Variants in LRP8 observed in about 807,000 individuals in gnomAD.
LRP8 encodes the protein LDL receptor related protein 8, also known as low-density lipoprotein receptor-related protein 8.
A neutral mutation model predicts 111.6 loss-of-function variants in LRP8; 46 were observed. The observed-to-expected ratio is 0.41, with a 90% confidence interval of 0.33 to 0.53. LRP8 has a LOEUF of 0.53. Ranked by LOEUF, LRP8 falls within the 20% of genes least tolerant of loss-of-function variation. The pLI is 0.20. For missense variants in LRP8, 959 were observed against 1,297.4 expected, an observed-to-expected ratio of 0.74 and a Z score of 4.01; for synonymous variants, 464 against 511.2, an observed-to-expected ratio of 0.91 and a Z score of 1.24.
intron 2 of LRP8, among the ~76,000 whole-genome samples, chr1:53,306,875 G>A (rs998897198): frequency 1.3e-5 from 2 of 152,174 alleles, no homozygotes; most frequent in African/African-American, 4.8e-5. Context: ...TCATCTCCTG[G>A]TTTACGAAGC....
chr1:53,318,425 C>A (rs1214961740), intron 2 of LRP8, among the ~76,000 whole-genome samples: 2 of 151,908 alleles, frequency 1.3e-5, no homozygotes, highest in African/African-American at 2.4e-5. Context: ...AAAGGAGAGC[C>A]ATGGGGCCAT....
At chr1:53,248,157 C>T (rs1645784748) in intron 18 of LRP8, among the ~76,000 whole-genome samples, 1 of 152,190 alleles carries the variant, frequency 6.6e-6, no homozygotes, top group Non-Finnish European at 1.5e-5. Context: ...ACGTAACCAA[C>T]ATAAAATAGA....
intron 9 of LRP8, among the ~76,000 whole-genome samples, chr1:53,265,029 G>A (rs1276139916): frequency 1.3e-5 from 2 of 152,144 alleles, no homozygotes; most frequent in African/African-American, 2.4e-5. Context: ...TCTATGGAGT[G>A]GATGGGTTGG....
intron 2 of LRP8, 145 bp downstream of exon 2, chr1:53,326,728 C>T (rs1363728118): frequency 3.0e-6 from 4 of 1,352,654 alleles, no homozygotes; most frequent in African/African-American, 3.0e-5. Context: ...GAGGCGGTGC[C>T]CAGGCGGTTT....
At chr1:53,261,076 C>A (rs1646318469) in intron 12 of LRP8, among the ~76,000 whole-genome samples, 1 of 152,200 alleles carries the variant, frequency 6.6e-6, no homozygotes, top group African/African-American at 2.4e-5. Context: ...CGTACAGGTA[C>A]AACTGTGCAT....
intron 2 of LRP8, among the ~76,000 whole-genome samples, chr1:53,292,309 G>C (rs1648928987): frequency 6.6e-6 from 1 of 152,208 alleles, no homozygotes; most frequent in Admixed American, 6.5e-5. Context: ...GAAACCTGAG[G>C]AATCAGAGTC....
chr1:53,284,816 C>T (rs1367383857), intron 3 of LRP8, among the ~76,000 whole-genome samples: 2 of 152,176 alleles, frequency 1.3e-5, no homozygotes, highest in Non-Finnish European at 2.9e-5. Context: ...TCTTGGAATG[C>T]CAGGACTTGA....
At chr1:53,319,034 A>C (rs954496741) in intron 2 of LRP8, among the ~76,000 whole-genome samples, 1 of 152,218 alleles carries the variant, frequency 6.6e-6, no homozygotes, top group Non-Finnish European at 1.5e-5. Flanking sequence ...AAACTAAATA[A>C]GTAAAATCAG....
chr1:53,284,605 G>A (rs1035399392), intron 3 of LRP8, among the ~76,000 whole-genome samples: 1 of 152,192 alleles, frequency 6.6e-6, no homozygotes, highest in African/African-American at 2.4e-5. Flanking sequence ...TGCAGCAAGC[G>A]GCTGCTTGAA....
Position 53,275,834 on chromosome 1 carries a change from A to G in LRP8, c.884-81T>C, listed in dbSNP as rs887617993. The G allele has an allele frequency of 2.0e-6, 3 of 1,522,920 alleles. No homozygotes were observed. Among genetic ancestry groups the G allele is most frequent in the Admixed American group, 2.0e-5 (1 of 51,206 alleles). The allele number at this position is 1,522,920 out of a possible 1,614,324, so 94.3% of individuals were successfully genotyped here. A position where few individuals can be genotyped will look rare whatever the true frequency, so the allele number is the denominator to read the frequency against. On this transcript the variant is annotated intron_variant, in intron 5 of 18. Coordinates refer to ENST00000306052, the MANE Select transcript of LRP8 (RefSeq NM_004631.5). This position sits in a 1 kb window ranked among gnomAD's most constrained non-coding sequence, Gnocchi z 4.4. ...TCCCCACCACCCCAATCCCCATGCC[A>G]TAGCCACCCCCAGCAAAAACAGAAC...
At chr1:53,310,810 A>T (rs1014091069) in intron 2 of LRP8, among the ~76,000 whole-genome samples, 1 of 152,210 alleles carries the variant, frequency 6.6e-6, no homozygotes, top group East Asian at 1.9e-4. Context: ...TCATTCAACA[A>T]GCATACAATG....
chr1:53,307,035 C>A (rs1292184713), intron 2 of LRP8, among the ~76,000 whole-genome samples: 1 of 152,214 alleles, frequency 6.6e-6, no homozygotes, highest in Non-Finnish European at 1.5e-5. Context: ...ACAGGAAGAA[C>A]ACAGGATGTG....
rs1312151415 is a variant in LRP8, at chr1:53,294,792, T to C, written c.245-5103A>G. Among the ~76,000 whole-genome samples, 1 of 152,228 alleles carries C rather than the reference T, an allele frequency of 6.6e-6. No homozygotes were observed. Among genetic ancestry groups the C allele is most frequent in the Non-Finnish European group, 1.5e-5 (1 of 68,046 alleles). On this transcript the variant is annotated intron_variant, in intron 2 of 18. Transcript: ENST00000306052. The surrounding 1 kb of genome is among the most constrained non-coding windows in gnomAD (Gnocchi z 4.1). ...AACTGTTAGAATCACTCAGCACTTC[T>C]TGGCTTCCCCCGCCTCCAGAGACAT...
intron 4 of LRP8, among the ~76,000 whole-genome samples, chr1:53,278,030 A>G (rs1199954118): frequency 1.3e-5 from 2 of 152,186 alleles, no homozygotes; most frequent in Non-Finnish European, 2.9e-5. Flanking sequence ...TCTCTCTGGT[A>G]GGCTAGTCTG....
chr1:53,327,320 C>A (rs1005766217), intron 1 of LRP8: 4 of 289,096 alleles, frequency 1.4e-5, no homozygotes, highest in Non-Finnish European at 2.6e-5. Flanking sequence ...TCCCCGCGCC[C>A]GCGCGCCAGG....
chr1:53,309,654 G>A (rs528757389), intron 2 of LRP8, among the ~76,000 whole-genome samples: 7 of 152,276 alleles, frequency 4.6e-5, no homozygotes, highest in African/African-American at 1.7e-4. Context: ...AGAGAGGCCA[G>A]GTCCCTGTTT....
At chr1:53,284,734 C>A (rs1021961527) in intron 3 of LRP8, among the ~76,000 whole-genome samples, 1 of 152,208 alleles carries the variant, frequency 6.6e-6, no homozygotes, top group African/African-American at 2.4e-5. Context: ...CCTAAATAGA[C>A]AGCTCTAATT....
intron 9 of LRP8, 48 bp from the exon 10 acceptor site, chr1:53,264,444 G>T: frequency 6.8e-7 from 1 of 1,480,108 alleles, no homozygotes. Flanking sequence ...CCACCCATGG[G>T]CCCATCTGGA....
chr1:53,268,545 G>A (rs1425463492), intron 8 of LRP8: 1 of 151,876 alleles, frequency 6.6e-6, no homozygotes, highest in Non-Finnish European at 1.5e-5. Flanking sequence ...CTACATGTCA[G>A]TATTATGGCT....
Sources: gnomAD v4.1 joint callset for allele counts (sites outside exome capture counted in the v4.1 genomes callset) on GRCh38, gnomAD v4.1.1 for gene constraint, Gnocchi (gnomAD v3.1) non-coding constraint, MANE v1.5 for transcripts, NCBI Gene and HGNC (gene_info 2026-07-23, HGNC 2026-07-21) for gene names.